Variants in NFATC1 observed in about 807,000 individuals in gnomAD.
The protein encoded by NFATC1 is nuclear factor of activated T cells 1, also known as nuclear factor of activated T-cells, cytoplasmic 1.
Under a neutral mutation model 76.0 loss-of-function variants are expected in NFATC1, and 22 were observed. The observed-to-expected ratio is 0.29, with a 90% CI of 0.21 to 0.41. The LOEUF is 0.41. NFATC1 is among the 10% of genes least tolerant of loss of function. NFATC1 has a pLI of 1.00. For missense variants in NFATC1, 1,357 were observed against 1,337.7 expected, an observed-to-expected ratio of 1.01 and a Z score of -0.23; for synonymous variants, 704 against 613.1, an observed-to-expected ratio of 1.15 and a Z score of -2.19.
At chr18:79,490,312 G>T (rs1415144055) in intron 9 of NFATC1, among the ~76,000 whole-genome samples, 1 of 152,048 alleles carries the variant, frequency 6.6e-6, no homozygotes, top group Non-Finnish European at 1.5e-5. Context: ...GTTAGGACAG[G>T]GTGGTCCCTG....
intron 2 of NFATC1, among the ~76,000 whole-genome samples, chr18:79,430,140 C>G (rs992113774): frequency 1.4e-4 from 22 of 152,330 alleles, no homozygotes; most frequent in African/African-American, 4.6e-4. Context: ...CAGAATGTGT[C>G]CTTGTCATAA....
At chr18:79,413,224 T>C (rs2085759996) in intron 2 of NFATC1, among the ~76,000 whole-genome samples, 2 of 152,184 alleles carry the variant, frequency 1.3e-5, no homozygotes, top group Admixed American at 1.3e-4. Context: ...AGACTGGGAC[T>C]TGGCATGAGG....
At chr18:79,397,342 T>G (rs1271990231) in intron 1 of NFATC1, among the ~76,000 whole-genome samples, 2 of 152,228 alleles carry the variant, frequency 1.3e-5, no homozygotes, top group South Asian at 2.1e-4. Context: ...TGCCAACATA[T>G]GTACTTCATA....
intron 6 of NFATC1, among the ~76,000 whole-genome samples, chr18:79,458,650 C>T (rs754356633): frequency 1.7e-4 from 26 of 152,234 alleles, no homozygotes; most frequent in Non-Finnish European, 3.1e-4. Flanking sequence ...ACTAAGGACT[C>T]GGAGCTCTGA....
chr18:79,452,825 C>A (rs899965636), intron 6 of NFATC1, among the ~76,000 whole-genome samples: 6 of 152,210 alleles, frequency 3.9e-5, no homozygotes, highest in Non-Finnish European at 7.3e-5. Context: ...CCCCACAAGG[C>A]CTGTTTTGTG....
chr18:79,516,323 G>T lies in NFATC1; in HGVS notation c.2783-11205G>T, dbSNP rs115875971. On this transcript the variant is annotated intron_variant, in intron 9 of 9. Transcript: ENST00000427363. ...GGCGGTGGCTTATTGCGATGAAAAA[G>T]ATAAAAATAAGTGAAGGCTGAAATA... 9.3e-3 allele frequency among the ~76,000 whole-genome samples: 1,411 copies of T among 152,176 alleles called. 26 individuals are homozygous for T. The highest frequency in any genetic ancestry group is 0.032 in the African/African-American group (1,323 of 41,512).
intron 8 of NFATC1, among the ~76,000 whole-genome samples, chr18:79,484,785 G>A (rs1408483569): frequency 1.3e-5 from 2 of 152,206 alleles, no homozygotes; most frequent in Admixed American, 6.5e-5. Context: ...CCAGTGTGGC[G>A]GGAAGGTGGC....
At chr18:79,407,930 C>T (rs2085498760) in intron 1 of NFATC1, among the ~76,000 whole-genome samples, 1 of 152,206 alleles carries the variant, frequency 6.6e-6, no homozygotes, top group African/African-American at 2.4e-5. Flanking sequence ...GCAGGTCTCA[C>T]CTCCCACCCC....
chr18:79,467,336 C>T (rs552899547), intron 7 of NFATC1, 114 bp from the exon 8 acceptor site: 26 of 1,026,688 alleles, frequency 2.5e-5, no homozygotes, highest in Admixed American at 5.1e-5. Context: ...CGTGGAAACG[C>T]GGGGTTGCCG....
intron 9 of NFATC1, among the ~76,000 whole-genome samples, chr18:79,513,150 C>T (rs2090299273): frequency 6.6e-6 from 1 of 152,254 alleles, no homozygotes; most frequent in Admixed American, 6.5e-5. Flanking sequence ...CCCAGAACCA[C>T]CACCAGGCTG....
intron 2 of NFATC1, among the ~76,000 whole-genome samples, chr18:79,424,847 TTC>T (rs1018465075): frequency 2.5e-5 from 3 of 118,152 alleles, no homozygotes; most frequent in Non-Finnish European, 3.9e-5. Context: ...CTGTCTCTGT[TTC>T]TCTGTCTCTC....
intron 2 of NFATC1, among the ~76,000 whole-genome samples, chr18:79,432,823 C>T (rs2086646309): frequency 1.3e-5 from 2 of 152,156 alleles, no homozygotes; most frequent in Admixed American, 6.5e-5. Flanking sequence ...ACGGGCAGGA[C>T]CTCACCTTAG....
intron 1 of NFATC1, chr18:79,400,353 G>A: frequency 7.2e-7 from 1 of 1,380,466 alleles, no homozygotes; most frequent in East Asian, 3.4e-5. Flanking sequence ...CCTGGCGGCC[G>A]CGACCCCGGC....
rs778369605 is a variant in NFATC1 at position 79,486,374 on chromosome 18, C to G, written c.2219C>G (p.Pro740Arg). 3 of 1,613,048 alleles carry G rather than the reference C, an allele frequency of 1.9e-6. No homozygotes were observed. Among genetic ancestry groups the G allele is most frequent in the Non-Finnish European group, 1.7e-6 (2 of 1,180,006 alleles). Reference protein sequence around the residue: ...YSQQLAMPPDPSSCLVAGFPP... With the variant: ...YSQQLAMPPDRSSCLVAGFPP... ...CAGCAGCTCGCGATGCCACCCGACC[C>G]CAGCTCCTGCCTCGTGGCCGGCTTC... The change falls in exon 9 of 10, where the codon CCC (proline) becomes CGC (arginine). Residue 740 changes from proline (P) to arginine (R), a missense_variant. Physicochemically the swap from Pro to Arg is moderately radical, Grantham distance 103. Around this residue, in one of 3 missense-constraint regions of NFATC1, gnomAD observed 424 missense variants for 395.4 expected, o/e 1.07. Coordinates refer to ENST00000427363, the MANE Select transcript of NFATC1 (RefSeq NM_001278669.2).
intron 8 of NFATC1, among the ~76,000 whole-genome samples, chr18:79,472,321 G>T (rs1249873781): frequency 6.6e-6 from 1 of 152,204 alleles, no homozygotes; most frequent in Non-Finnish European, 1.5e-5. Flanking sequence ...CTCAGCTGGG[G>T]CTGTGTGAGC....
chr18:79,524,896 TCGG>T lies in NFATC1; in HGVS notation c.2783-2627_2783-2625del, dbSNP rs759867107. On this transcript the variant is annotated intron_variant, in intron 9 of 9. Transcript: ENST00000427363. The surrounding 1 kb of genome is among the most constrained non-coding windows in gnomAD (Gnocchi z 7.2). ...GTGCCCGCGGGGAACAAGACGGCTC[TCGG>T]CGGCCATGCAGGCGGCCTGTCCCAC... Among the ~76,000 whole-genome samples the T allele has an allele frequency of 6.6e-6, 1 of 151,928 alleles. No individual in the cohort carries two copies. Among genetic ancestry groups the T allele is most frequent in the Non-Finnish European group, 1.5e-5 (1 of 67,942 alleles).
intron 1 of NFATC1, among the ~76,000 whole-genome samples, chr18:79,407,693 C>T (rs2085489890): frequency 6.6e-6 from 1 of 152,230 alleles, no homozygotes; most frequent in Admixed American, 6.5e-5. Flanking sequence ...GATCCGCCCA[C>T]CTCGGCCTCC....
chr18:79,400,448 G>C lies in NFATC1; in HGVS notation c.127+4097G>C, dbSNP rs1422179608. 6 of 1,491,150 alleles carry C rather than the reference G, an allele frequency of 4.0e-6. No homozygotes were observed. The South Asian group carries it at 5.1e-5, about 13-fold the overall frequency. 92.4% of individuals were successfully genotyped at this position (1,491,150 alleles called of 1,614,324 possible). ...TCGAGTTCCTCTTCGAGTTTAACCA[G>C]CGCGACGAGGGCGCCGCCGCGGCCG... On this transcript the variant is annotated intron_variant, in intron 1 of 9. Transcript: ENST00000427363.
Position 79,410,875 on chromosome 18 carries a change from C to T in NFATC1, c.600C>T (p.Pro200=), listed in dbSNP as rs1407456187. 4 of 1,609,316 alleles carry T rather than the reference C, an allele frequency of 2.5e-6. No homozygotes were observed. Among genetic ancestry groups the T allele is most frequent in the South Asian group, 1.1e-5 (1 of 90,686 alleles). ...ACTACTCGTACCCGTACGCGTCCCC[C>T]CAGACGTCGCCATGGCAGTCTCCCT... ...ESNYSYPYAS[P]QTSPWQSPCV... is the part of the protein sequence containing the mutation. The change falls in exon 2 of 10, where the codon CCC becomes CCT. Residue 200 remains proline, a synonymous_variant. Coordinates refer to ENST00000427363, the MANE Select transcript of NFATC1 (RefSeq NM_001278669.2). The surrounding 1 kb of genome is among the most constrained non-coding windows in gnomAD (Gnocchi z 6.7).
Sources: allele counts gnomAD v4.1 joint callset (sites outside exome capture counted in the v4.1 genomes callset), GRCh38; gene constraint gnomAD v4.1.1; regional missense constraint gnomAD v4.1.1; non-coding constraint Gnocchi (gnomAD v3.1); transcripts MANE v1.5; gene names NCBI Gene and HGNC (gene_info 2026-07-23, HGNC 2026-07-21).